The following MMP25 variants were observed in gnomAD, a reference collection of about 807,000 sequenced individuals.
MMP25 encodes the protein matrix metalloproteinase-25.
A neutral mutation model predicts 62.1 loss-of-function variants in MMP25; 68 were observed. The ratio of observed to expected loss-of-function variants is 1.10; its 90% CI spans 0.90 to 1.34. The LOEUF (loss-of-function observed/expected upper bound fraction) is 1.34, where lower values mean the gene tolerates loss of function less well. Among genes scored for constraint, MMP25 ranks in the 40% most tolerant of loss-of-function variants. The pLI, the probability that MMP25 is intolerant of heterozygous loss-of-function variation, is 0.00. For synonymous variants in MMP25, 407 were observed against 345.6 expected, an observed-to-expected ratio of 1.18 and a Z score of -1.97; for missense variants, 942 against 792.5, an observed-to-expected ratio of 1.19 and a Z score of -2.26.
At chr16:3,054,187 C>G (rs1310082213) in intron 4 of MMP25, 1 of 142,778 alleles carries the variant, frequency 7.0e-6, no homozygotes, top group Non-Finnish European at 1.5e-5. Context: ...GATGGATGGA[C>G]AGATGCATGC....
rs1956082406 is a variant in MMP25, at chr16:3,059,685, C to G, written c.*587C>G. On this transcript the variant is annotated 3_prime_UTR_variant, in exon 10 of 10. Transcript: ENST00000336577. ...CCTCTCCCACCCGCAGTTTCTCACC[C>G]CGTTCTGCTCCCACAAGGCCCCCCT... 1 of 152,756 alleles carries G rather than the reference C, an allele frequency of 6.5e-6. No homozygotes were observed. Among genetic ancestry groups the G allele is most frequent in the South Asian group, 2.1e-4 (1 of 4,844 alleles). The allele number at this position is 152,756 out of a possible 1,614,324, so 9.5% of individuals were successfully genotyped here.
At position 3,058,597 on chromosome 16, in the gene MMP25, G is replaced by C; in HGVS notation, c.1345G>C (p.Gly449Arg). The change falls in exon 9 of 10, where the codon GGC becomes CGC. Residue 449 changes from glycine (G) to arginine (R), a missense_variant. Physicochemically the swap from Gly to Arg is moderately radical, Grantham distance 125. Coordinates refer to ENST00000336577, the MANE Select transcript of MMP25 (RefSeq NM_022468.5). The part of the protein sequence containing the change: ...YDEAAARPDP[G>R]YPRDLSLWEG... ...CGAGGCGGCGGCGCGCCCGGACCCC[G>C]GCTACCCTCGCGACCTGAGCCTCTG... The C allele has an allele frequency of 6.2e-7, 1 of 1,607,220 alleles. No homozygotes were observed. Among genetic ancestry groups the C allele is most frequent in the Non-Finnish European group, 8.5e-7 (1 of 1,177,830 alleles).
At position 3,059,426 on chromosome 16, in the gene MMP25, G is replaced by A; in HGVS notation, c.*328G>A. On this transcript the variant is annotated 3_prime_UTR_variant, in exon 10 of 10. Coordinates refer to ENST00000336577, the MANE Select transcript of MMP25 (RefSeq NM_022468.5). ...TGCCGCCAGGGGGCGGTCGGACCCCGCCTCCCGAGCCCGGGGAGGGGCGGG... is the reference window on the plus strand; with the variant it reads ...TGCCGCCAGGGGGCGGTCGGACCCCACCTCCCGAGCCCGGGGAGGGGCGGG... 4.1e-6 allele frequency: 1 copy of A among 242,778 alleles called. No individual in the cohort carries two copies. Among genetic ancestry groups the A allele is most frequent in the Middle Eastern group, 1.2e-3 (1 of 836 alleles). 15.0% of individuals were successfully genotyped at this position (242,778 alleles called of 1,614,324 possible). A position where few individuals can be genotyped will look rare whatever the true frequency, so the allele number is the denominator to read the frequency against.
chr16:3,057,620 C>G lies in MMP25; in HGVS notation c.1006+7C>G, dbSNP rs751114836. On this transcript the variant is annotated splice_region_variant and intron_variant, in intron 7 of 9. Transcript: ENST00000336577. ...GAAACTTTCTTCTTCAAAGGTGAGTCATTTCACTTGGCCTCATATATGTTG... is the reference window on the plus strand; with the variant it reads ...GAAACTTTCTTCTTCAAAGGTGAGTGATTTCACTTGGCCTCATATATGTTG... 1.2e-6 allele frequency: 2 copies of G among 1,613,678 alleles called. No individual in the cohort carries two copies. The highest frequency in any genetic ancestry group is 3.3e-5 in the Admixed American group (2 of 60,028).
chr16:3,055,766 G>A (rs1312227645), intron 4 of MMP25: 12 of 451,008 alleles, frequency 2.7e-5, no homozygotes, highest in Admixed American at 1.4e-4. Context: ...AAACTCATCC[G>A]CATGGGGTAA....
intron 1 of MMP25, 45 bp downstream of exon 1, chr16:3,047,061 G>C (rs958537100): frequency 1.4e-5 from 19 of 1,392,976 alleles, no homozygotes; most frequent in Non-Finnish European, 1.7e-5. Flanking sequence ...AGAGAGATTG[G>C]GAGAGGGAAG....
In MMP25 at chr16:3,050,136, G is replaced by C. The variant is rs1254122416; in HGVS notation, c.360G>C (p.Leu120=). ...GCAGCGTGTGGAAGAAGCGAACCCT[G>C]ACATGGAGGTAGGTCCTGGGGCCCA... The part of the protein sequence containing the change: ...LSGSVWKKRT[L]TWRVRSFPQS... The change falls in exon 3 of 10, where the codon CTG becomes CTC. Residue 120 remains leucine (L), a synonymous_variant. Coordinates refer to ENST00000336577, the MANE Select transcript of MMP25 (RefSeq NM_022468.5). The C allele has an allele frequency of 1.9e-6, 3 of 1,605,920 alleles. No homozygotes were observed. Among genetic ancestry groups the C allele is most frequent in the Non-Finnish European group, 2.6e-6 (3 of 1,174,302 alleles).
In MMP25 at chr16:3,050,065, G is replaced by A; in HGVS notation, c.289G>A (p.Gly97Arg). The change falls in exon 3 of 10, where the codon GGG becomes AGG. Residue 97 changes from glycine to arginine, a missense_variant. Physicochemically the swap from Gly to Arg is moderately radical, Grantham distance 125 (BLOSUM62 -2). Transcript: ENST00000336577. ...KPRCSLPDVL[G>R]VAGLVRRRRR... ...CCGCTGCTCCCTGCCTGACGTGCTG[G>A]GGGTGGCGGGGCTGGTCAGGCGGCG... 1 of 1,611,174 alleles carries A rather than the reference G, an allele frequency of 6.2e-7. No homozygotes were observed. Among genetic ancestry groups the A allele is most frequent in the Non-Finnish European group, 8.5e-7 (1 of 1,179,930 alleles).
chr16:3,057,629 T>C lies in MMP25; in HGVS notation c.1006+16T>C. The C allele has an allele frequency of 6.2e-7, 1 of 1,612,740 alleles. No homozygotes were observed. The highest frequency in any genetic ancestry group is 1.1e-5 in the South Asian group (1 of 91,054). ...TTCTTCAAAGGTGAGTCATTTCACTTGGCCTCATATATGTTGGTTTCCTGC... is the reference window on the plus strand; with the variant it reads ...TTCTTCAAAGGTGAGTCATTTCACTCGGCCTCATATATGTTGGTTTCCTGC... On this transcript the variant is annotated intron_variant, in intron 7 of 9. Transcript: ENST00000336577.
In MMP25 at chr16:3,050,363, G is replaced by T; in HGVS notation, c.478G>T (p.Val160Leu). ...GGAGTCAGGCCTCACATTTCATGAG[G>T]TGGATTCCCCCCAGGGCCAGGAGCC... is the stretch of plus-strand genomic sequence containing the variant. Reference protein sequence around the residue: ...GMESGLTFHEVDSPQGQEPDI... With the variant: ...GMESGLTFHELDSPQGQEPDI... The change falls in exon 4 of 10, where the codon GTG becomes TTG. Residue 160 changes from valine to leucine, a missense_variant. Val to Leu is a conservative substitution (Grantham distance 32). Transcript: ENST00000336577. The T allele has an allele frequency of 1.2e-6, 2 of 1,614,062 alleles. No homozygotes were observed. The highest frequency in any genetic ancestry group is 1.7e-6 in the Non-Finnish European group (2 of 1,180,030).
intron 2 of MMP25, 133 bp from the exon 3 acceptor site, chr16:3,049,876 G>T (rs1290537119): frequency 1.5e-6 from 2 of 1,339,624 alleles, no homozygotes; most frequent in Non-Finnish European, 2.1e-6. Flanking sequence ...AACCTGGGCT[G>T]TGGGGCCTTC....
In MMP25 at chr16:3,058,389, A is replaced by C. The variant is rs765014099; in HGVS notation, c.1160-23A>C. ...GGCCGGCGCGGGGAGCCCACCCCTG[A>C]CCTCCCGGCCTCCACCCTGCAGGGC... On this transcript the variant is annotated intron_variant, in intron 8 of 9. Transcript: ENST00000336577. The C allele has an allele frequency of 1.7e-5, 25 of 1,503,730 alleles. No homozygotes were observed. In the East Asian group the frequency reaches 2.3e-4, roughly 14 times the overall value. The allele number at this position is 1,503,730 out of a possible 1,614,324, so 93.1% of individuals were successfully genotyped here.
rs780266361 is a variant in MMP25 at position 3,058,245 on chromosome 16, C to G, written c.1071C>G (p.His357Gln). ...TGTCCCCGCGACCCGCACGGCTGCA[C>G]CGCTTCTGGGAGGGGCTGCCCGCCC... ...QLVSPRPARL[H>Q]RFWEGLPAQV... is the part of the protein sequence containing the mutation. Residue 357 changes from histidine to glutamine, a missense_variant, in exon 8 of 10, where the codon CAC becomes CAG. His to Gln is a conservative substitution (Grantham distance 24). Transcript: ENST00000336577. 38 of 1,612,124 alleles carry G rather than the reference C, an allele frequency of 2.4e-5. No individual in the cohort carries two copies. The East Asian group carries it at 8.0e-4, about 34-fold the overall frequency.
At chr16:3,054,767 C>T (rs1163575497) in intron 4 of MMP25, 1 of 150,320 alleles carries the variant, frequency 6.7e-6, no homozygotes, top group African/African-American at 2.5e-5. Context: ...GATGGATGCA[C>T]AGATGCATGC....
intron 4 of MMP25, chr16:3,055,993 G>T (rs56307374): frequency 4.4e-6 from 2 of 453,870 alleles, no homozygotes; most frequent in Non-Finnish European, 8.8e-6. Context: ...TGCTGGGGCC[G>T]GCAGGCTGTG....
intron 7 of MMP25, 80 bp from the exon 8 acceptor site, chr16:3,058,100 CT>C (rs1305299388): frequency 8.4e-6 from 13 of 1,538,518 alleles, no homozygotes; most frequent in Middle Eastern, 1.7e-4. Flanking sequence ...GATGGGACCC[CT>C]CCCCACCCAG....
chr16:3,049,880 G>A, intron 2 of MMP25, 129 bp from the exon 3 acceptor site: 2 of 1,366,896 alleles, frequency 1.5e-6, no homozygotes, highest in Admixed American at 1.7e-5. Context: ...TGGGCTGTGG[G>A]GCCTTCGAGG....
In MMP25 at chr16:3,058,235, C is replaced by T; in HGVS notation, c.1061C>T (p.Ala354Val). The change falls in exon 8 of 10, where the codon GCA (alanine) becomes GTA (valine). Residue 354 changes from alanine to valine, a missense_variant. Coordinates refer to ENST00000336577, the MANE Select transcript of MMP25 (RefSeq NM_022468.5). ...GGACAGCTGGTGTCCCCGCGACCCG[C>T]ACGGCTGCACCGCTTCTGGGAGGGG... ...PSGQLVSPRP[A>V]RLHRFWEGLP... 6.2e-7 allele frequency: 1 copy of T among 1,612,300 alleles called. No individual in the cohort carries two copies. Among genetic ancestry groups the T allele is most frequent in the Non-Finnish European group, 8.5e-7 (1 of 1,179,372 alleles).
rs1955839981 is a variant in MMP25 at position 3,047,668 on chromosome 16, C to T, written c.232+121C>T. ...GCTGTGAAGATGCTGATCTCAGGCC[C>T]CAAACCCAGAGGGCCTCAGGCGTTC... On this transcript the variant is annotated intron_variant, in intron 2 of 9. Transcript: ENST00000336577. 9.4e-6 allele frequency: 11 copies of T among 1,168,008 alleles called. No homozygotes were observed. In the East Asian group the frequency reaches 2.8e-4, roughly 30 times the overall value. The allele number at this position is 1,168,008 out of a possible 1,614,324, so 72.4% of individuals were successfully genotyped here.
Sources: gnomAD v4.1 joint callset for allele counts on GRCh38, gnomAD v4.1.1 for gene constraint, MANE v1.5 for transcripts, NCBI Gene and HGNC (gene_info 2026-07-23, HGNC 2026-07-21) for gene names.